The following ANO7 variants were observed in gnomAD, a reference collection of about 807,000 sequenced individuals.
ANO7 encodes the protein anoctamin 7.
Under a neutral mutation model 115.8 loss-of-function variants are expected in ANO7, and 114 were observed. That is an observed-to-expected ratio of 0.98 (90% CI 0.85 to 1.15). The LOEUF (loss-of-function observed/expected upper bound fraction) is 1.15. ANO7 is among the 50% of genes most tolerant of loss of function. The probability of loss-of-function intolerance (pLI) is 0.00; values close to 1 mark genes in which losing one functional copy is unlikely to be tolerated. For synonymous variants in ANO7, 550 were observed against 498.2 expected (o/e 1.10, Z -1.38); for missense variants, 1,302 against 1,201.2 (o/e 1.08, Z -1.24).
In ANO7 at chr2:241,188,942, C is replaced by G. The variant is rs1465925548; in HGVS notation, c.-8+176C>G. Among the ~76,000 whole-genome samples, 3 of 152,230 alleles carry G rather than the reference C, an allele frequency of 2.0e-5. No homozygotes were observed. The East Asian group carries it at 5.8e-4, about 29-fold the overall frequency. On this transcript the variant is annotated intron_variant, in intron 1 of 24. Transcript: ENST00000674324. This position sits in a 1 kb window ranked among gnomAD's most constrained non-coding sequence, Gnocchi z 4.3. ...CTTGGGGCACGAGGAGGGACACACA[C>G]TCAGTGCGGCTCTGGACGGGGTACA...
chr2:241,194,179 A>ATTTTTTTT (rs59855055), intron 3 of ANO7, among the ~76,000 whole-genome samples: 6 of 123,976 alleles, frequency 4.8e-5, no homozygotes, highest in South Asian at 2.5e-4. Flanking sequence ...CTGGCCTTTA[A>ATTTTTTTT]TTTTTTTTTT....
At chr2:241,219,180 G>T (rs1295519371) in intron 21 of ANO7, among the ~76,000 whole-genome samples, 1 of 152,228 alleles carries the variant, frequency 6.6e-6, no homozygotes, top group Non-Finnish European at 1.5e-5. Context: ...CTTCCTTTGT[G>T]ATCTGGTTAC....
At chr2:241,226,823 TTATCTCCTGCCACTCAGGTGACTGGGG>T (rs2069191630), downstream of ANO7, among the ~76,000 whole-genome samples, 1 of 152,130 alleles carries the variant, frequency 6.6e-6, no homozygotes, top group African/African-American at 2.4e-5. Flanking sequence ...ACTCTTCCCG[TTATCTCCTGCCACTCAGGTGACTGGGG>T]TGGCTCCTCC....
In ANO7 at chr2:241,195,961, C is replaced by G. The variant is rs373894944; in HGVS notation, c.309+116C>G. The G allele has an allele frequency of 1.5e-4, 235 of 1,591,290 alleles. No homozygotes were observed. In the African/African-American group the frequency reaches 2.7e-3, roughly 19 times the overall value. On this transcript the variant is annotated intron_variant, in intron 4 of 24. Coordinates refer to ENST00000674324, the MANE Select transcript of ANO7 (RefSeq NM_001370694.2). Reference sequence around the variant, plus strand: ...CCAGAGTCCCAGAGCAGATCAGGCCCCAAAGTCCTGCTGGACCCCCCAGCC... The same window carrying G: ...CCAGAGTCCCAGAGCAGATCAGGCCGCAAAGTCCTGCTGGACCCCCCAGCC...
downstream of ANO7, chr2:241,229,438 G>T: frequency 1.7e-6 from 1 of 586,786 alleles, no homozygotes; most frequent in African/African-American, 1.9e-5. Flanking sequence ...CTGGAGGAGC[G>T]GCCGCACACA....
downstream of ANO7, chr2:241,229,472 G>A (rs1013187288): frequency 7.3e-5 from 51 of 700,734 alleles, no homozygotes; most frequent in East Asian, 7.5e-4. Flanking sequence ...GGCTCCCTGC[G>A]GGACCTCGGG....
chr2:241,191,591 C>T (rs2068204774), intron 3 of ANO7, among the ~76,000 whole-genome samples: 1 of 152,154 alleles, frequency 6.6e-6, no homozygotes, highest in Non-Finnish European at 1.5e-5. Context: ...GCACTCCACC[C>T]CTTTTGTACC....
rs754599210 is a variant in ANO7, at chr2:241,218,331, G to A, written c.2271G>A (p.Thr757=). The A allele has an allele frequency of 3.3e-6, 5 of 1,504,182 alleles. No individual in the cohort carries two copies. The highest frequency in any genetic ancestry group is 4.4e-6 in the Non-Finnish European group (5 of 1,132,626). The allele number at this position is 1,504,182 out of a possible 1,614,324, so 93.2% of individuals were successfully genotyped here. Residue 757 remains threonine, a synonymous_variant, in exon 21 of 25, where the codon ACG becomes ACA. Coordinates refer to ENST00000674324, the MANE Select transcript of ANO7 (RefSeq NM_001370694.2). The stretch of plus-strand genomic sequence containing the variant: ...ACCTGCGCGGCTTCCTCAACTTCAC[G>A]CTGGCGCGAGCCCCGTCCTCCTTCG... ...AHDLRGFLNF[T]LARAPSSFAA...
At chr2:241,230,592 C>T (rs950726464), downstream of ANO7, among the ~76,000 whole-genome samples, 2 of 152,218 alleles carry the variant, frequency 1.3e-5, no homozygotes, top group East Asian at 1.9e-4. The surrounding 1 kb of genome is among the most constrained non-coding windows in gnomAD (Gnocchi z 5.0). Context: ...TCACACAGGC[C>T]GTCGCCTGCA....
the ANO7 span, chr2:241,233,882 T>G: frequency 6.2e-7 from 1 of 1,614,170 alleles, no homozygotes; most frequent in Non-Finnish European, 8.5e-7. This position sits in a 1 kb window ranked among gnomAD's most constrained non-coding sequence, Gnocchi z 4.3. Context: ...CGGATTTGGG[T>G]AATTACTGCC....
intron 16 of ANO7, 120 bp downstream of exon 16, chr2:241,212,325 G>C (rs878983005): frequency 9.1e-7 from 1 of 1,096,742 alleles, no homozygotes; most frequent in Non-Finnish European, 1.4e-6. Context: ...GACGGAACCG[G>C]AGACCCAGGC....
At position 241,218,220 on chromosome 2, in the gene ANO7, T is replaced by C; in HGVS notation, c.2179-19T>C. The C allele has an allele frequency of 7.0e-7, 1 of 1,435,730 alleles. No individual in the cohort carries two copies. Among genetic ancestry groups the C allele is most frequent in the Non-Finnish European group, 9.1e-7 (1 of 1,095,678 alleles). 88.9% of individuals were successfully genotyped at this position (1,435,730 alleles called of 1,614,324 possible). On this transcript the variant is annotated intron_variant, in intron 20 of 24. Transcript: ENST00000674324. The stretch of plus-strand genomic sequence containing the variant: ...GGGCGGAGCGGGGGCCGCCTCGCGC[T>C]GACCCCTCCGGCGCCCAGGCCTTCC...
chr2:241,236,400 T>C, the ANO7 span: 2 of 584,528 alleles, frequency 3.4e-6, no homozygotes, highest in Admixed American at 3.1e-5. Context: ...AGAAAGGGGC[T>C]ATAGAACCCC....
chr2:241,192,398 G>T (rs2068228296), intron 3 of ANO7, among the ~76,000 whole-genome samples: 1 of 152,226 alleles, frequency 6.6e-6, no homozygotes, highest in South Asian at 2.1e-4. Flanking sequence ...TCTTGGGGCT[G>T]AAGCCCGAGG....
At chr2:241,211,334 T>TCTC (rs35198262) in intron 15 of ANO7, among the ~76,000 whole-genome samples, 111,376 of 151,798 alleles carry the variant, frequency 0.73, 41,753 homozygotes, top group African/African-American at 0.87. Context: ...CCATCGGTCT[T>TCTC]TTTCTCTGTC....
intron 21 of ANO7, among the ~76,000 whole-genome samples, chr2:241,218,940 A>G (rs1559457118): frequency 6.6e-6 from 1 of 152,210 alleles, no homozygotes; most frequent in African/African-American, 2.4e-5. Flanking sequence ...TCAGGGGTTA[A>G]TATTATTGTT....
At position 241,206,168 on chromosome 2, in the gene ANO7, A is replaced by G. The variant is rs112792182; in HGVS notation, c.980+1213A>G. The stretch of plus-strand genomic sequence containing the variant: ...CTCCCAGGCTGACAGCTGGGCAGGA[A>G]TGCTCCCAGCCTGACACAGGTGGGC... On this transcript the variant is annotated intron_variant, in intron 10 of 24. Transcript: ENST00000674324. Among the ~76,000 whole-genome samples, 12 of 15,494 alleles carry G rather than the reference A, an allele frequency of 7.7e-4. No homozygotes were observed. In the South Asian group the frequency reaches 0.011, roughly 14 times the overall value. 10.2% of individuals were successfully genotyped at this position (15,494 alleles called of 152,430 possible). A position where few individuals can be genotyped will look rare whatever the true frequency, so the allele number is the denominator to read the frequency against.
intron 2 of ANO7, 39 bp from the exon 3 acceptor site, chr2:241,191,155 C>A (rs1447928208): frequency 1.2e-6 from 2 of 1,612,174 alleles, no homozygotes; most frequent in Non-Finnish European, 8.5e-7. Context: ...AGGGCAGATG[C>A]TGATGCTGAT....
chr2:241,223,079 T>C (rs551004941), intron 21 of ANO7, 107 bp from the exon 22 acceptor site: 2 of 972,280 alleles, frequency 2.1e-6, no homozygotes, highest in East Asian at 4.8e-5. Flanking sequence ...GAACATGGGA[T>C]GAGAGAGCGA....
Sources: gnomAD v4.1 joint callset for allele counts (sites outside exome capture counted in the v4.1 genomes callset) on GRCh38, gnomAD v4.1.1 for gene constraint, Gnocchi (gnomAD v3.1) non-coding constraint, MANE v1.5 for transcripts, NCBI Gene and HGNC (gene_info 2026-07-23, HGNC 2026-07-21) for gene names.